Variants in GCNT4 observed in about 807,000 individuals in gnomAD.
The protein encoded by GCNT4 is glucosaminyl (N-acetyl) transferase 4.
A neutral mutation model predicts 31.3 loss-of-function variants in GCNT4; 17 were observed. The ratio of observed to expected loss-of-function variants is 0.54; its 90% CI spans 0.37 to 0.81. GCNT4 has a LOEUF of 0.81. Among genes scored for constraint, GCNT4 ranks in the 40% least tolerant of loss-of-function variants. The pLI, the probability that GCNT4 is intolerant of heterozygous loss-of-function variation, is 0.00. For missense variants in GCNT4, 503 were observed against 525.5 expected (o/e 0.96, Z 0.42); for synonymous variants, 158 against 190.6 (o/e 0.83, Z 1.41).
chr5:75,038,389 G>A (rs1445855462), intron 3 of GCNT4, among the ~76,000 whole-genome samples: 1 of 152,166 alleles, frequency 6.6e-6, no homozygotes, highest in East Asian at 1.9e-4. Flanking sequence ...CTCTAAATGT[G>A]TCTAGCCATC....
chr5:75,051,538 G>C (rs1743568560), intron 2 of GCNT4, among the ~76,000 whole-genome samples: 1 of 152,180 alleles, frequency 6.6e-6, no homozygotes, highest in Non-Finnish European at 1.5e-5. Flanking sequence ...GTGGGTCAAG[G>C]ATGAGGCAGA....
chr5:75,031,109 G>C (rs931928612), intron 3 of GCNT4, among the ~76,000 whole-genome samples: 3 of 150,786 alleles, frequency 2.0e-5, no homozygotes, highest in Admixed American at 6.6e-5. Flanking sequence ...AGGTCTTGCT[G>C]TGTTACCCAG....
chr5:75,044,887 G>A (rs1017680884), intron 3 of GCNT4, among the ~76,000 whole-genome samples: 2 of 152,064 alleles, frequency 1.3e-5, no homozygotes, highest in Non-Finnish European at 2.9e-5. Flanking sequence ...AGAATCATAG[G>A]GATAATGGGG....
At chr5:75,050,297 T>C (rs758482992) in intron 2 of GCNT4, among the ~76,000 whole-genome samples, 1 of 152,236 alleles carries the variant, frequency 6.6e-6, no homozygotes, top group African/African-American at 2.4e-5. Context: ...TTACATTACA[T>C]GAGCTTGATA....
At chr5:75,053,593 C>G (rs1050582860), upstream of GCNT4, among the ~76,000 whole-genome samples, 3 of 152,094 alleles carry the variant, frequency 2.0e-5, no homozygotes, top group Admixed American at 6.5e-5. Flanking sequence ...GGGTTGCGCT[C>G]TGGGTTCCCA....
chr5:75,050,790 T>C (rs1378261746), intron 2 of GCNT4, among the ~76,000 whole-genome samples: 2 of 152,200 alleles, frequency 1.3e-5, no homozygotes, highest in Admixed American at 1.3e-4. Flanking sequence ...AGAGCCGGCC[T>C]TGAATCCGCC....
rs145703086 is a variant in GCNT4, at chr5:75,046,807, C to T, written c.-2+1090G>A. Among the ~76,000 whole-genome samples the T allele has an allele frequency of 7.7e-3, 1,172 of 152,336 alleles. 36 individuals are homozygous for T. The highest frequency in any genetic ancestry group is 0.06 in the Admixed American group (916 of 15,300). On this transcript the variant is annotated intron_variant, in intron 3 of 3. Transcript: ENST00000652361. ...AAATAGGCCACTCCAAAATACGCCA[C>T]TCTGATATTGACTTTTGAGTTAACG...
At chr5:75,046,878 G>A (rs148296417) in intron 3 of GCNT4, among the ~76,000 whole-genome samples, 5 of 152,328 alleles carry the variant, frequency 3.3e-5, no homozygotes, top group East Asian at 3.9e-4. Context: ...CCTTCGTGCC[G>A]TTTCTTAGAT....
the GCNT4 span, among the ~76,000 whole-genome samples, chr5:75,018,134 ATTG>A: frequency 6.6e-6 from 1 of 152,116 alleles, no homozygotes; most frequent in African/African-American, 2.4e-5. Flanking sequence ...CTCTCCAATT[ATTG>A]TTGTTCTCTT....
intron 3 of GCNT4, among the ~76,000 whole-genome samples, chr5:75,033,067 C>T (rs1743108315): frequency 1.3e-5 from 2 of 152,130 alleles, no homozygotes; most frequent in African/African-American, 4.8e-5. Context: ...TTAGCACTTC[C>T]CCCTGACACC....
chr5:75,024,079 C>A (rs1443357493), downstream of GCNT4, among the ~76,000 whole-genome samples: 1 of 152,150 alleles, frequency 6.6e-6, no homozygotes, highest in Admixed American at 6.5e-5. Flanking sequence ...AATTTACAAT[C>A]ATCTATTCAT....
intron 2 of GCNT4, among the ~76,000 whole-genome samples, chr5:75,051,515 G>A (rs1401902846): frequency 6.6e-6 from 1 of 152,182 alleles, no homozygotes; most frequent in African/African-American, 2.4e-5. Context: ...ACCAGGTCAT[G>A]CTCCCAGCAC....
At chr5:75,040,978 G>T (rs190133930) in intron 3 of GCNT4, among the ~76,000 whole-genome samples, 1 of 152,086 alleles carries the variant, frequency 6.6e-6, no homozygotes, top group African/African-American at 2.4e-5. Flanking sequence ...TTTTTCAAAA[G>T]ATTAATAACC....
rs1029424028 is a variant in GCNT4, at chr5:75,027,215, T to C, written c.*1461A>G. On this transcript the variant is annotated 3_prime_UTR_variant, in exon 4 of 4. Coordinates refer to ENST00000652361, the MANE Select transcript of GCNT4 (RefSeq NM_001366737.1). ...GTTATTGCCTATTCTCAGAACCCCA[T>C]TCCTACCCCATTTTACTTCCAGAAC... The C allele has an allele frequency of 6.8e-6, 1 of 146,996 alleles. No homozygotes were observed. Among genetic ancestry groups the C allele is most frequent in the African/African-American group, 2.5e-5 (1 of 39,584 alleles). The allele number at this position is 146,996 out of a possible 1,614,324, so 9.1% of individuals were successfully genotyped here. A position where few individuals can be genotyped will look rare whatever the true frequency, so the allele number is the denominator to read the frequency against.
rs917371313 is a variant in GCNT4 at position 75,027,298 on chromosome 5, A to G, written c.*1378T>C. 9.8e-6 allele frequency: 1 copy of G among 102,158 alleles called. No homozygotes were observed. Among genetic ancestry groups the G allele is most frequent in the Admixed American group, 1.0e-4 (1 of 9,580 alleles). 6.3% of individuals were successfully genotyped at this position (102,158 alleles called of 1,614,324 possible). A position where few individuals can be genotyped will look rare whatever the true frequency, so the allele number is the denominator to read the frequency against. Reference sequence around the variant, plus strand: ...TATGTTATATAATATATATTTATATATATATAATTATATGTATATATAATA... The same window carrying G: ...TATGTTATATAATATATATTTATATGTATATAATTATATGTATATATAATA... On this transcript the variant is annotated 3_prime_UTR_variant, in exon 4 of 4. Transcript: ENST00000652361.
chr5:75,031,218 G>T (rs1490492966), intron 3 of GCNT4, among the ~76,000 whole-genome samples: 2 of 152,092 alleles, frequency 1.3e-5, no homozygotes, highest in African/African-American at 4.8e-5. Context: ...AGAACCACAG[G>T]TGTGTGCCAC....
At chr5:75,039,666 T>C (rs1394825159) in intron 3 of GCNT4, among the ~76,000 whole-genome samples, 1 of 152,168 alleles carries the variant, frequency 6.6e-6, no homozygotes, top group African/African-American at 2.4e-5. Context: ...GTAGAGCCTG[T>C]TCTACAACCA....
chr5:75,021,035 CTTTAA>C (rs905404875), downstream of GCNT4, among the ~76,000 whole-genome samples: 11 of 152,130 alleles, frequency 7.2e-5, no homozygotes, highest in Non-Finnish European at 1.3e-4. Context: ...CATAAGTGAA[CTTTAA>C]TTTAATTTTG....
chr5:75,019,366 G>A, the GCNT4 span, among the ~76,000 whole-genome samples: 1 of 152,226 alleles, frequency 6.6e-6, no homozygotes, highest in Non-Finnish European at 1.5e-5. Context: ...AAGTCATCTA[G>A]CCTGTGGTGC....
Sources: allele counts gnomAD v4.1 joint callset (sites outside exome capture counted in the v4.1 genomes callset), GRCh38; gene constraint gnomAD v4.1.1; transcripts MANE v1.5; gene names NCBI Gene and HGNC (gene_info 2026-07-23, HGNC 2026-07-21).